Variants in NRG1 observed in about 807,000 individuals in gnomAD.
The protein encoded by NRG1 is pro-neuregulin-1, membrane-bound isoform.
NRG1 carries 18 observed loss-of-function variants against 63.8 expected under a neutral mutation model. The ratio of observed to expected loss-of-function variants is 0.28; its 90% CI spans 0.19 to 0.42. NRG1 has a LOEUF of 0.42. Ranked by LOEUF, NRG1 falls within the 10% of genes least tolerant of loss-of-function variation. The probability of loss-of-function intolerance (pLI) is 1.00; values close to 1 mark genes in which losing one functional copy is unlikely to be tolerated. For missense variants in NRG1, 762 were observed against 814.7 expected, an observed-to-expected ratio of 0.94 and a Z score of 0.79; for synonymous variants, 302 against 301.3, an observed-to-expected ratio of 1.00 and a Z score of -0.02.
intron 1 of NRG1, among the ~76,000 whole-genome samples, chr8:32,116,395 G>C (rs1832714543): frequency 6.6e-6 from 1 of 152,142 alleles, no homozygotes; most frequent in South Asian, 2.1e-4. Context: ...AGCACTAAAT[G>C]ATGTTTCCAA....
intron 1 of NRG1, among the ~76,000 whole-genome samples, chr8:32,499,492 G>A (rs574628570): frequency 1.3e-5 from 2 of 152,004 alleles, no homozygotes; most frequent in East Asian, 1.9e-4. Flanking sequence ...AGATAAACCC[G>A]GGCAACACAG....
chr8:32,006,877 A>G (rs560772907), intron 1 of NRG1, among the ~76,000 whole-genome samples: 1 of 152,184 alleles, frequency 6.6e-6, no homozygotes, highest in East Asian at 1.9e-4. Flanking sequence ...TCTGACCCAC[A>G]GAACTGTGAA....
At chr8:31,667,155 T>C (rs1806633676) in intron 1 of NRG1, among the ~76,000 whole-genome samples, 1 of 152,154 alleles carries the variant, frequency 6.6e-6, no homozygotes, top group African/African-American at 2.4e-5. Flanking sequence ...TTATTCTTAA[T>C]TCCCTGCAAA....
chr8:31,991,925 T>G (rs1251732807), intron 1 of NRG1, among the ~76,000 whole-genome samples: 1 of 151,958 alleles, frequency 6.6e-6, no homozygotes, highest in African/African-American at 2.4e-5. Flanking sequence ...CTAATACCTT[T>G]CCCTGTAGAA....
At chr8:32,247,552 GAT>G (rs769673598) in intron 1 of NRG1, among the ~76,000 whole-genome samples, 6 of 152,110 alleles carry the variant, frequency 3.9e-5, no homozygotes, top group Non-Finnish European at 7.4e-5. Context: ...AGATGCAATA[GAT>G]ATCACTTAGG....
intron 1 of NRG1, among the ~76,000 whole-genome samples, chr8:31,921,254 C>G (rs2129618621): frequency 6.6e-6 from 1 of 152,174 alleles, no homozygotes; most frequent in East Asian, 1.9e-4. Flanking sequence ...TAACAGATAA[C>G]CAATCAAATT....
chr8:31,895,883 A>G (rs1054957534), intron 1 of NRG1, among the ~76,000 whole-genome samples: 8 of 152,148 alleles, frequency 5.3e-5, no homozygotes, highest in African/African-American at 1.9e-4. Flanking sequence ...CCCCTTTGAT[A>G]TATTTATTTG....
At chr8:32,663,598 C>G (rs1803407902) in intron 5 of NRG1, among the ~76,000 whole-genome samples, 1 of 152,076 alleles carries the variant, frequency 6.6e-6, no homozygotes, top group Non-Finnish European at 1.5e-5. Context: ...GTCAAGTTGC[C>G]AAGGTGCCAA....
At chr8:32,606,713 T>C (rs960607351) in intron 3 of NRG1, among the ~76,000 whole-genome samples, 1 of 152,166 alleles carries the variant, frequency 6.6e-6, no homozygotes, top group Non-Finnish European at 1.5e-5. Context: ...ACAAAATTTG[T>C]CATCTGTTAT....
At chr8:32,349,246 G>A (rs944779683) in intron 1 of NRG1, among the ~76,000 whole-genome samples, 15 of 152,154 alleles carry the variant, frequency 9.9e-5, no homozygotes, top group Non-Finnish European at 1.2e-4. Context: ...ATGGGGCTGC[G>A]CTGTTAGGGA....
intron 1 of NRG1, among the ~76,000 whole-genome samples, chr8:31,720,066 G>T (rs2131301243): frequency 6.6e-6 from 1 of 152,218 alleles, no homozygotes; most frequent in Middle Eastern, 3.4e-3. Flanking sequence ...AAAAATACAT[G>T]TTTAATGAAA....
At chr8:32,048,045 C>G (rs547914599) in intron 1 of NRG1, among the ~76,000 whole-genome samples, 21 of 151,854 alleles carry the variant, frequency 1.4e-4, no homozygotes, top group Admixed American at 9.9e-4. Context: ...CAATGTCCTC[C>G]AGGCTCATCC....
intron 1 of NRG1, among the ~76,000 whole-genome samples, chr8:32,054,855 CTTTCTTTCTTTTTTTTTTTTT>C (rs1563731686): frequency 9.2e-4 from 52 of 56,316 alleles, no homozygotes; most frequent in Middle Eastern, 8.8e-3. Context: ...AAGCAGATTT[CTTTCTTTCTTTTTTTTTTTTT>C]TTTTTTTTTT....
chr8:32,085,257 T>C (rs1022572710), intron 1 of NRG1, among the ~76,000 whole-genome samples: 3 of 152,260 alleles, frequency 2.0e-5, no homozygotes, highest in African/African-American at 7.2e-5. Flanking sequence ...AGAGAGAATG[T>C]TGAGTATCTT....
At chr8:32,530,321 A>C (rs940454530) in intron 1 of NRG1, among the ~76,000 whole-genome samples, 2 of 151,932 alleles carry the variant, frequency 1.3e-5, no homozygotes, top group Middle Eastern at 3.2e-3. Context: ...GTTAGCCAGG[A>C]TGGTCTCGAT....
At chr8:32,693,380 G>A (rs1812351043) in intron 5 of NRG1, among the ~76,000 whole-genome samples, 1 of 151,800 alleles carries the variant, frequency 6.6e-6, no homozygotes, top group Admixed American at 6.6e-5. Flanking sequence ...CACCACACTG[G>A]CTAATTTTTT....
chr8:32,037,122 G>C (rs755397764), intron 1 of NRG1, among the ~76,000 whole-genome samples: 1 of 152,238 alleles, frequency 6.6e-6, no homozygotes, highest in South Asian at 2.1e-4. Flanking sequence ...GTTTTTATGG[G>C]TTCTTTTTAA....
At chr8:32,720,150 A>C (rs543786075) in intron 5 of NRG1, among the ~76,000 whole-genome samples, 1 of 152,234 alleles carries the variant, frequency 6.6e-6, no homozygotes, top group Non-Finnish European at 1.5e-5. Context: ...TCACATGGTA[A>C]TTTCAGTAGC....
At chr8:32,315,270 G>T (rs1857254789) in intron 1 of NRG1, among the ~76,000 whole-genome samples, 2 of 152,080 alleles carry the variant, frequency 1.3e-5, no homozygotes, top group African/African-American at 4.8e-5. Flanking sequence ...GGTGTGTGTT[G>T]TTCCCCTCCC....
Sources: allele counts gnomAD v4.1 joint callset (sites outside exome capture counted in the v4.1 genomes callset), GRCh38; gene constraint gnomAD v4.1.1; transcripts MANE v1.5; gene names NCBI Gene and HGNC (gene_info 2026-07-23, HGNC 2026-07-21).